The following SLC4A1AP variants were observed in gnomAD, a reference collection of about 807,000 sequenced individuals.
The protein encoded by SLC4A1AP is kanadaptin.
Under a neutral mutation model 89.7 loss-of-function variants are expected in SLC4A1AP, and 64 were observed. That is an observed-to-expected ratio of 0.71 (90% CI 0.58 to 0.88). SLC4A1AP has a LOEUF of 0.88. Ranked by LOEUF, SLC4A1AP falls within the 40% of genes least tolerant of loss-of-function variation. The probability of loss-of-function intolerance (pLI) is 0.00; values close to 1 mark genes in which losing one functional copy is unlikely to be tolerated. For missense variants in SLC4A1AP, 931 were observed against 965.0 expected (o/e 0.96, Z 0.47); for synonymous variants, 366 against 353.3 (o/e 1.04, Z -0.40).
At chr2:27,668,886 T>C (rs778826679) in exon 4 of SLC4A1AP, 1 of 1,614,160 alleles carries the variant, frequency 6.2e-7, no homozygotes, top group Non-Finnish European at 8.5e-7. Flanking sequence ...GACATAGCAC[T>C]TGGCTCTGCA....
At chr2:27,675,721 G>A (rs1337959892) in intron 6 of SLC4A1AP, 29 bp downstream of exon 6, 1 of 1,446,496 alleles carries the variant, frequency 6.9e-7, no homozygotes. Flanking sequence ...AGTAGCTGTG[G>A]TATTTAATAG....
chr2:27,676,619 C>T (rs1449605942), intron 6 of SLC4A1AP, among the ~76,000 whole-genome samples: 2 of 150,712 alleles, frequency 1.3e-5, no homozygotes, highest in Non-Finnish European at 3.0e-5. Context: ...GTCAGGAGTT[C>T]GAGACCCACC....
intron 5 of SLC4A1AP, among the ~76,000 whole-genome samples, chr2:27,669,908 G>A (rs1179955913): frequency 6.6e-6 from 1 of 152,134 alleles, no homozygotes; most frequent in Non-Finnish European, 1.5e-5. Context: ...TTGTTGCCCA[G>A]GCTAGAGTGC....
chr2:27,694,650 C>A (rs766257381), exon 14 of SLC4A1AP: 5 of 1,582,496 alleles, frequency 3.2e-6, no homozygotes, highest in Non-Finnish European at 4.3e-6. Context: ...GTGGAGATGG[C>A]AGAACCCATC....
chr2:27,685,754 C>T (rs1675695177), intron 10 of SLC4A1AP, among the ~76,000 whole-genome samples: 1 of 152,078 alleles, frequency 6.6e-6, no homozygotes, highest in African/African-American at 2.4e-5. Flanking sequence ...TGTTTGGAAC[C>T]TAGCACAAAA....
chr2:27,665,030 C>CCAG, intron 1 of SLC4A1AP, 70 bp from the exon 2 acceptor site: 1 of 1,315,488 alleles, frequency 7.6e-7, no homozygotes. Flanking sequence ...GCACTCCAGT[C>CCAG]CAGCCTAGGC....
chr2:27,680,852 A>G (rs1454200622), intron 8 of SLC4A1AP, among the ~76,000 whole-genome samples: 4 of 151,864 alleles, frequency 2.6e-5, no homozygotes, highest in Non-Finnish European at 5.9e-5. Context: ...AAAAAAAAAA[A>G]ACGAAAACGA....
At chr2:27,666,930 C>T (rs1018467527) in intron 2 of SLC4A1AP, among the ~76,000 whole-genome samples, 12 of 151,112 alleles carry the variant, frequency 7.9e-5, no homozygotes, top group South Asian at 2.1e-4. Context: ...GCAGGTAGCG[C>T]GATCTTGGCT....
chr2:27,681,376 G>T (rs569065461), intron 8 of SLC4A1AP, among the ~76,000 whole-genome samples: 1 of 152,130 alleles, frequency 6.6e-6, no homozygotes, highest in Non-Finnish European at 1.5e-5. Context: ...GTAGCAAGTG[G>T]GGCTTCAGGG....
At chr2:27,670,571 T>C (rs1484952901) in intron 5 of SLC4A1AP, among the ~76,000 whole-genome samples, 1 of 151,984 alleles carries the variant, frequency 6.6e-6, no homozygotes, top group Non-Finnish European at 1.5e-5. Context: ...CACCTGTATT[T>C]CTTGGCCGGG....
intron 2 of SLC4A1AP, among the ~76,000 whole-genome samples, chr2:27,666,421 C>T (rs199630079): frequency 7.1e-5 from 10 of 140,586 alleles, no homozygotes; most frequent in East Asian, 2.3e-4. Flanking sequence ...CGTGAGCGAT[C>T]GCACTCCACA....
chr2:27,671,016 C>T (rs755764931), intron 5 of SLC4A1AP, among the ~76,000 whole-genome samples: 1 of 143,628 alleles, frequency 7.0e-6, no homozygotes, highest in Non-Finnish European at 1.5e-5. Flanking sequence ...CTCTGCTTCT[C>T]GGGTTCAAGT....
At chr2:27,689,409 C>T (rs1256526568) in intron 12 of SLC4A1AP, among the ~76,000 whole-genome samples, 1 of 152,122 alleles carries the variant, frequency 6.6e-6, no homozygotes, top group Non-Finnish European at 1.5e-5. Context: ...GTACTTGCAT[C>T]TATGATATAC....
Position 27,687,818 on chromosome 2 carries a change from A to G in SLC4A1AP, c.2117-116A>G, listed in dbSNP as rs1675726054. Reference sequence around the variant, plus strand: ...CTTAAGATTAGTTGAAGCTGATGATAATAAAACTGGATGATTATGTACTTA... The same window carrying G: ...CTTAAGATTAGTTGAAGCTGATGATGATAAAACTGGATGATTATGTACTTA... On this transcript the variant is annotated intron_variant, in intron 10 of 13. Transcript: ENST00000613058. The G allele has an allele frequency of 2.9e-6, 2 of 697,788 alleles. 1 individual carries two copies. Among genetic ancestry groups the G allele is most frequent in the East Asian group, 5.7e-5 (2 of 35,258 alleles). The allele number at this position is 697,788 out of a possible 1,614,324, so 43.2% of individuals were successfully genotyped here. A position where few individuals can be genotyped will look rare whatever the true frequency, so the allele number is the denominator to read the frequency against.
At chr2:27,664,629 T>G in intron 1 of SLC4A1AP, 52 bp downstream of exon 1, 4 of 1,373,066 alleles carry the variant, frequency 2.9e-6, no homozygotes, top group South Asian at 1.3e-5. Context: ...ACTGCGTTCT[T>G]GTGCTTCTTA....
At chr2:27,682,090 G>A (rs1428913500) in intron 8 of SLC4A1AP, among the ~76,000 whole-genome samples, 158 bp from the exon 9 acceptor site, 1 of 152,156 alleles carries the variant, frequency 6.6e-6, no homozygotes, top group Non-Finnish European at 1.5e-5. Context: ...TTCAAAATCT[G>A]TTGGTCTGAA....
intron 5 of SLC4A1AP, among the ~76,000 whole-genome samples, chr2:27,671,070 C>T (rs908350094): frequency 2.6e-5 from 4 of 151,368 alleles, no homozygotes; most frequent in East Asian, 3.9e-4. Context: ...ACTATAGGTG[C>T]GTGCTCCACA....
chr2:27,668,382 C>G (rs1675368248), intron 3 of SLC4A1AP, among the ~76,000 whole-genome samples: 1 of 152,142 alleles, frequency 6.6e-6, no homozygotes, highest in Non-Finnish European at 1.5e-5. Context: ...GATCTCCTGA[C>G]CTCGTGATCC....
intron 8 of SLC4A1AP, 52 bp downstream of exon 8, chr2:27,677,976 C>A: frequency 8.4e-7 from 1 of 1,195,260 alleles, no homozygotes. Flanking sequence ...GCATAGATAA[C>A]ATTTTCAATT....
Sources: allele counts gnomAD v4.1 joint callset (sites outside exome capture counted in the v4.1 genomes callset), GRCh38; gene constraint gnomAD v4.1.1; transcripts MANE v1.5; gene names NCBI Gene and HGNC (gene_info 2026-07-23, HGNC 2026-07-21).